DGKZ: variants seen among roughly 807,000 people sequenced by gnomAD.
DGKZ encodes the protein DAG kinase zeta.
DGKZ carries 45 observed loss-of-function variants against 142.5 expected under a neutral mutation model. The ratio of observed to expected loss-of-function variants is 0.32; its 90% CI spans 0.25 to 0.40. The LOEUF (loss-of-function observed/expected upper bound fraction) is 0.40. Among genes scored for constraint, DGKZ ranks in the 10% least tolerant of loss-of-function variants. The probability of loss-of-function intolerance (pLI) is 1.00; values close to 1 mark genes in which losing one functional copy is unlikely to be tolerated. For missense variants in DGKZ, 755 were observed against 1,306.5 expected (o/e 0.58, Z 6.51); for synonymous variants, 442 against 527.0 (o/e 0.84, Z 2.21).
At chr11:46,357,560 G>T (rs1942174780) in intron 1 of DGKZ, among the ~76,000 whole-genome samples, 1 of 152,262 alleles carries the variant, frequency 6.6e-6, no homozygotes, top group Non-Finnish European at 1.5e-5. Flanking sequence ...TAAGGTGCTG[G>T]CCCCTCCCCT....
chr11:46,367,591 G>C lies in DGKZ; in HGVS notation c.271-61G>C. ...TCTTGGGAGAGGGCGGGTGGGCGGG[G>C]GCTGATGGGAGGGAGGGCTGGGCGG... On this transcript the variant is annotated intron_variant, in intron 2 of 30. Coordinates refer to ENST00000527911, the Ensembl canonical transcript of DGKZ. The surrounding 1 kb of genome is among the most constrained non-coding windows in gnomAD (Gnocchi z 4.1). 1 of 1,116,842 alleles carries C rather than the reference G, an allele frequency of 9.0e-7. No individual in the cohort carries two copies. The highest frequency in any genetic ancestry group is 4.8e-5 in the East Asian group (1 of 20,916). The allele number at this position is 1,116,842 out of a possible 1,614,324, so 69.2% of individuals were successfully genotyped here.
Position 46,367,018 on chromosome 11 carries a change from G to A in DGKZ, c.162-273G>A. On this transcript the variant is annotated intron_variant, in intron 1 of 30. Transcript: ENST00000527911. This position sits in a 1 kb window ranked among gnomAD's most constrained non-coding sequence, Gnocchi z 4.1. ...AGCTGTGGCCAGCAGGGCGAGTGGTGTGACCTCCTGTGGGTCTGGCCTGGG... is the reference window on the plus strand; with the variant it reads ...AGCTGTGGCCAGCAGGGCGAGTGGTATGACCTCCTGTGGGTCTGGCCTGGG... 2 of 1,482,802 alleles carry A rather than the reference G, an allele frequency of 1.3e-6. No homozygotes were observed. Among genetic ancestry groups the A allele is most frequent in the Non-Finnish European group, 1.8e-6 (2 of 1,122,654 alleles). The allele number at this position is 1,482,802 out of a possible 1,614,324, so 91.9% of individuals were successfully genotyped here.
Position 46,367,480 on chromosome 11 carries a change from C to A in DGKZ, c.270+81C>A. ...AGCTGGCGGGTGGAGGCACTAAAGG[C>A]AGCTGGGAGAGCCAAGCCTGGAAGG... is the stretch of plus-strand genomic sequence containing the variant. On this transcript the variant is annotated intron_variant, in intron 2 of 30. Coordinates refer to ENST00000527911, the Ensembl canonical transcript of DGKZ. The surrounding 1 kb of genome is among the most constrained non-coding windows in gnomAD (Gnocchi z 4.1). The A allele has an allele frequency of 1.3e-6, 2 of 1,487,490 alleles. No homozygotes were observed. Among genetic ancestry groups the A allele is most frequent in the African/African-American group, 1.4e-5 (1 of 72,086 alleles). 92.1% of individuals were successfully genotyped at this position (1,487,490 alleles called of 1,614,324 possible). A position where few individuals can be genotyped will look rare whatever the true frequency, so the allele number is the denominator to read the frequency against.
chr11:46,365,446 A>T (rs1299895838), intron 1 of DGKZ: 1 of 985,298 alleles, frequency 1.0e-6, no homozygotes, highest in African/African-American at 1.7e-5. Context: ...ACACACCCAG[A>T]ATCCAGAAGG....
chr11:46,378,873 G>A lies in DGKZ; in HGVS notation c.2419-118G>A, dbSNP rs764287685. On this transcript the variant is annotated intron_variant, in intron 27 of 30. Transcript: ENST00000527911. ...CACAGAGGCAACTCAGGAGTAAGAT[G>A]TGTGAGCGCACTCGTTTCAGGCCTG... 28 of 1,429,732 alleles carry A rather than the reference G, an allele frequency of 2.0e-5. 1 individual carries two copies. The highest frequency in any genetic ancestry group is 1.8e-4 in the South Asian group (13 of 70,840). The allele number at this position is 1,429,732 out of a possible 1,614,324, so 88.6% of individuals were successfully genotyped here. A position where few individuals can be genotyped will look rare whatever the true frequency, so the allele number is the denominator to read the frequency against.
At chr11:46,373,122 G>T (rs1944142218) in intron 14 of DGKZ, 21 bp downstream of exon 14, 4 of 1,536,226 alleles carry the variant, frequency 2.6e-6, no homozygotes, top group African/African-American at 2.8e-5. Flanking sequence ...CAGGGTTGGT[G>T]GGGGGCAGGG....
chr11:46,378,030 C>T (rs190388649), intron 25 of DGKZ, 168 bp from the exon 26 acceptor site: 2 of 790,848 alleles, frequency 2.5e-6, no homozygotes, highest in East Asian at 2.7e-5. Context: ...GCAAGGCCTT[C>T]CTCTGTCTCG....
intron 1 of DGKZ, among the ~76,000 whole-genome samples, chr11:46,348,720 T>TG (rs1940988062): frequency 6.6e-6 from 1 of 152,190 alleles, no homozygotes; most frequent in African/African-American, 2.4e-5. Context: ...CTCTTGGTCG[T>TG]GAGCCGCTGC....
Position 46,372,698 on chromosome 11 carries a change from A to G in DGKZ, c.1071+21A>G, listed in dbSNP as rs755275559. ...GCACGGTGAGCTCCCCGCATGGGCC[A>G]GCCGAGCACCAGGGCTGGGCCTGAA... On this transcript the variant is annotated intron_variant, in intron 12 of 30. Coordinates refer to ENST00000527911, the Ensembl canonical transcript of DGKZ. This position sits in a 1 kb window ranked among gnomAD's most constrained non-coding sequence, Gnocchi z 5.9. The G allele has an allele frequency of 1.2e-6, 2 of 1,612,792 alleles. No homozygotes were observed. Among genetic ancestry groups the G allele is most frequent in the Non-Finnish European group, 1.7e-6 (2 of 1,179,692 alleles).
At chr11:46,379,330 C>G in intron 29 of DGKZ, 94 bp downstream of exon 29, 1 of 1,584,424 alleles carries the variant, frequency 6.3e-7, no homozygotes, top group Non-Finnish European at 8.6e-7. Context: ...CATAAACTTC[C>G]TGGTCACATC....
At chr11:46,379,417 TGGGTGGATCA>T (rs753628221) in intron 29 of DGKZ, 42 bp from the exon 30 acceptor site, 1 of 1,591,346 alleles carries the variant, frequency 6.3e-7, no homozygotes, top group Admixed American at 1.7e-5. Context: ...GGGAGACAGA[TGGGTGGATCA>T]GGGGACGGGA....
At chr11:46,339,887 C>T (rs1940192716) in intron 1 of DGKZ, among the ~76,000 whole-genome samples, 1 of 152,204 alleles carries the variant, frequency 6.6e-6, no homozygotes, top group Non-Finnish European at 1.5e-5. Flanking sequence ...GAAAACCTCT[C>T]TTCAATGACA....
chr11:46,361,762 C>G, intron 1 of DGKZ: 2 of 795,062 alleles, frequency 2.5e-6, no homozygotes, highest in South Asian at 5.7e-5. Context: ...CTGTATCTGG[C>G]TGGGTGGGTG....
chr11:46,338,672 GC>G (rs1207767073), intron 1 of DGKZ: 5 of 152,254 alleles, frequency 3.3e-5, no homozygotes, highest in African/African-American at 1.2e-4. Flanking sequence ...CGTGGCACAT[GC>G]ATCCCACCAA....
At chr11:46,375,128 G>C in intron 19 of DGKZ, 83 bp downstream of exon 19, 1 of 1,310,010 alleles carries the variant, frequency 7.6e-7, no homozygotes, top group Non-Finnish European at 1.0e-6. Flanking sequence ...CATGGGCCAC[G>C]GCGGCCTAGT....
At chr11:46,366,457 C>G in intron 1 of DGKZ, 5 of 1,558,774 alleles carry the variant, frequency 3.2e-6, no homozygotes, top group Non-Finnish European at 3.5e-6. Context: ...GGGTGAGGGC[C>G]CAGGGTTCCA....
chr11:46,369,408 C>A, intron 4 of DGKZ, 86 bp from the exon 5 acceptor site: 1 of 1,528,670 alleles, frequency 6.5e-7, no homozygotes, highest in Non-Finnish European at 9.1e-7. Context: ...GTGAGGATGA[C>A]TCTGGGTTGT....
chr11:46,367,399 C>T lies in DGKZ; in HGVS notation c.270C>T (p.Ser90=). 1.9e-6 allele frequency: 3 copies of T among 1,612,902 alleles called. No homozygotes were observed. Among genetic ancestry groups the T allele is most frequent in the South Asian group, 1.1e-5 (1 of 91,060 alleles). Residue 90 remains serine (S), a splice_region_variant and synonymous_variant, in exon 2 of 31, where the codon AGC becomes AGT. Transcript: ENST00000527911. This position sits in a 1 kb window ranked among gnomAD's most constrained non-coding sequence, Gnocchi z 4.1. ...AGATCCGGAGTACAGTGGACTGGAG[C>T]GTGAGTGCCTGAACACCCCTGGGTC...
upstream of DGKZ, chr11:46,345,358 G>A: frequency 5.3e-6 from 7 of 1,323,204 alleles, no homozygotes; most frequent in South Asian, 5.1e-5. This position sits in a 1 kb window ranked among gnomAD's most constrained non-coding sequence, Gnocchi z 4.1. Context: ...CCCCCCCCTC[G>A]ACCCCACCCC....
Sources: allele counts gnomAD v4.1 joint callset (sites outside exome capture counted in the v4.1 genomes callset), GRCh38; gene constraint gnomAD v4.1.1; non-coding constraint Gnocchi (gnomAD v3.1); transcripts MANE v1.5; gene names NCBI Gene and HGNC (gene_info 2026-07-23, HGNC 2026-07-21).